TBX20: variants seen among roughly 807,000 people sequenced by gnomAD.
The protein encoded by TBX20 is T-box transcription factor TBX20.
In TBX20, 8 loss-of-function variants were observed where a neutral mutation model predicts 42.9. The ratio of observed to expected loss-of-function variants is 0.19; its 90% confidence interval spans 0.11 to 0.34. The LOEUF (loss-of-function observed/expected upper bound fraction) is 0.34. Among genes scored for constraint, TBX20 ranks in the 10% least tolerant of loss-of-function variants. TBX20 has a pLI of 1.00. For missense variants in TBX20, 411 were observed against 566.0 expected, an observed-to-expected ratio of 0.73 and a Z score of 2.78; for synonymous variants, 198 against 222.8, an observed-to-expected ratio of 0.89 and a Z score of 0.99.
chr7:35,250,276 C>CA, intron 1 of TBX20, 73 bp from the exon 2 acceptor site: 2 of 1,441,066 alleles, frequency 1.4e-6, no homozygotes, highest in South Asian at 2.4e-5. Flanking sequence ...AACAGCATAA[C>CA]CAAATGGTCA....
chr7:35,227,883 C>T (rs1477625506), intron 6 of TBX20, among the ~76,000 whole-genome samples: 6 of 152,070 alleles, frequency 3.9e-5, no homozygotes, highest in African/African-American at 1.4e-4. Flanking sequence ...AAACGGATAG[C>T]AGTGATGGTT....
chr7:35,204,750 T>C (rs1354641127), intron 6 of TBX20, among the ~76,000 whole-genome samples, 168 bp from the exon 7 acceptor site: 2 of 152,192 alleles, frequency 1.3e-5, no homozygotes, highest in African/African-American at 4.8e-5. Flanking sequence ...TGTTGTACAG[T>C]GACTCCTCAG....
intron 6 of TBX20, among the ~76,000 whole-genome samples, chr7:35,226,853 T>C (rs147749741): frequency 1.3e-5 from 2 of 152,204 alleles, no homozygotes; most frequent in Admixed American, 6.5e-5. Flanking sequence ...GTGTACTCCT[T>C]CTACTTATCA....
intron 6 of TBX20, among the ~76,000 whole-genome samples, chr7:35,210,940 C>T (rs1789487457): frequency 6.6e-6 from 1 of 151,912 alleles, no homozygotes; most frequent in South Asian, 2.1e-4. Context: ...CTATTTGTCC[C>T]ATCTGTTCTT....
chr7:35,213,877 C>CAAAAAAAAAAAAAAAAAAAAAAAAAA (rs59548164), intron 6 of TBX20, among the ~76,000 whole-genome samples: 1 of 59,770 alleles, frequency 1.7e-5, no homozygotes, highest in African/African-American at 6.8e-5. Flanking sequence ...GCAGAGATAG[C>CAAAAAAAAAAAAAAAAAAAAAAAAAA]AAAAAAAAAA....
intron 6 of TBX20, among the ~76,000 whole-genome samples, chr7:35,230,830 A>T (rs949594057): frequency 3.3e-5 from 5 of 152,322 alleles, no homozygotes; most frequent in African/African-American, 1.2e-4. Flanking sequence ...ATTAGGTTTA[A>T]AAATCTTCTC....
chr7:35,245,527 A>T (rs1281935031), intron 3 of TBX20, among the ~76,000 whole-genome samples: 1 of 152,206 alleles, frequency 6.6e-6, no homozygotes, highest in East Asian at 1.9e-4. Flanking sequence ...TAGAGAATCC[A>T]TTTATTTAAA....
intron 1 of TBX20, among the ~76,000 whole-genome samples, chr7:35,253,123 C>T (rs1174703782): frequency 1.8e-5 from 1 of 55,210 alleles, no homozygotes; most frequent in Non-Finnish European, 4.0e-5. Context: ...TTAGCGTCTC[C>T]GTTTCAAACG....
At chr7:35,217,141 T>C (rs1789604981) in intron 6 of TBX20, among the ~76,000 whole-genome samples, 1 of 152,214 alleles carries the variant, frequency 6.6e-6, no homozygotes, top group Admixed American at 6.5e-5. Context: ...TTTAAAAAGC[T>C]TTTAGGCTTT....
At chr7:35,251,629 A>C (rs1336853763) in intron 1 of TBX20, among the ~76,000 whole-genome samples, 1 of 152,222 alleles carries the variant, frequency 6.6e-6, no homozygotes, top group Non-Finnish European at 1.5e-5. Context: ...CCCCAGACTG[A>C]CCAATGCATC....
intron 6 of TBX20, among the ~76,000 whole-genome samples, chr7:35,207,111 T>C (rs1196533909): frequency 6.6e-6 from 1 of 152,236 alleles, no homozygotes; most frequent in African/African-American, 2.4e-5. Flanking sequence ...AAAGTAGTCA[T>C]ACAATTTAGC....
At chr7:35,237,866 T>A (rs1789996899) in intron 5 of TBX20, among the ~76,000 whole-genome samples, 1 of 150,382 alleles carries the variant, frequency 6.6e-6, no homozygotes, top group Admixed American at 6.6e-5. Context: ...CACATTTGTT[T>A]AAAAAAAAAA....
intron 6 of TBX20, among the ~76,000 whole-genome samples, chr7:35,212,031 A>G (rs1334301913): frequency 7.2e-5 from 11 of 152,068 alleles, no homozygotes; most frequent in East Asian, 5.8e-4. Context: ...CCACCTCCCA[A>G]CCACCTTTAG....
intron 1 of TBX20, 92 bp from the exon 2 acceptor site, chr7:35,250,295 T>G: frequency 6.6e-7 from 1 of 1,515,276 alleles, no homozygotes; most frequent in Non-Finnish European, 9.0e-7. Flanking sequence ...CACTTGGATT[T>G]GACTCAGGAA....
At chr7:35,206,220 G>A (rs1464978442) in intron 6 of TBX20, among the ~76,000 whole-genome samples, 1 of 152,202 alleles carries the variant, frequency 6.6e-6, no homozygotes, top group Non-Finnish European at 1.5e-5. Context: ...ATTGAGATAT[G>A]ATTAAAATAC....
intron 6 of TBX20, among the ~76,000 whole-genome samples, chr7:35,218,879 G>A (rs1033098091): frequency 4.1e-4 from 62 of 152,172 alleles, no homozygotes; most frequent in African/African-American, 1.4e-3. Context: ...GTGCCCTTAT[G>A]AAAGAGCCTG....
intron 5 of TBX20, among the ~76,000 whole-genome samples, chr7:35,232,176 A>G (rs1186297434): frequency 1.3e-5 from 2 of 152,210 alleles, no homozygotes; most frequent in African/African-American, 4.8e-5. Flanking sequence ...CTAAATCAGA[A>G]TCAAATTAGT....
At chr7:35,212,879 T>TCTC (rs1789521176) in intron 6 of TBX20, among the ~76,000 whole-genome samples, 1 of 152,218 alleles carries the variant, frequency 6.6e-6, no homozygotes, top group Non-Finnish European at 1.5e-5. Flanking sequence ...GGATCCTCTA[T>TCTC]AAATCTTTGG....
At chr7:35,248,652 C>T (rs768285437) in intron 3 of TBX20, 25 bp downstream of exon 3, 1 of 1,613,520 alleles carries the variant, frequency 6.2e-7, no homozygotes, top group South Asian at 1.1e-5. Context: ...ACAGTTTTCT[C>T]AGTGAAAAAT....
Sources: allele counts gnomAD v4.1 joint callset (sites outside exome capture counted in the v4.1 genomes callset), GRCh38; gene constraint gnomAD v4.1.1; transcripts MANE v1.5; gene names NCBI Gene and HGNC (gene_info 2026-07-23, HGNC 2026-07-21).